The following NPHS1 variants were observed in gnomAD, a reference collection of about 807,000 sequenced individuals.
NPHS1 encodes the protein nephrin.
NPHS1 carries 107 observed loss-of-function variants against 139.7 expected under a neutral mutation model. The observed-to-expected ratio is 0.77, with a 90% CI of 0.66 to 0.90. The LOEUF (loss-of-function observed/expected upper bound fraction) is 0.90. NPHS1 is among the 40% of genes least tolerant of loss of function. The pLI is 0.00. For missense variants in NPHS1, 1,580 were observed against 1,654.2 expected (o/e 0.96, Z 0.78); for synonymous variants, 707 against 706.6 (o/e 1.00, Z -0.01).
rs1327024441 is a variant in NPHS1, at chr19:35,844,415, C to T, written c.1975G>A (p.Val659Met). ...GGCAGCAACGCCTCGCCCTGCTCCA[C>T]CGCGGTCACCACCAGCACCTGCTCC... ...LGEQVLVVTA[V>M]EQGEALLPVS... Residue 659 changes from valine to methionine, a missense_variant, in exon 15 of 29, where the codon GTG becomes ATG. Coordinates refer to ENST00000378910, the MANE Select transcript of NPHS1 (RefSeq NM_004646.4). The T allele has an allele frequency of 6.2e-6, 10 of 1,604,674 alleles. No homozygotes were observed. The highest frequency in any genetic ancestry group is 8.5e-6 in the Non-Finnish European group (10 of 1,176,240).
At position 35,845,223 on chromosome 19, in the gene NPHS1, T is replaced by G. The variant is rs575392158; in HGVS notation, c.1930+145A>C. 7 of 890,216 alleles carry G rather than the reference T, an allele frequency of 7.9e-6. No individual in the cohort carries two copies. In the African/African-American group the frequency reaches 1.0e-4, roughly 13 times the overall value. 55.1% of individuals were successfully genotyped at this position (890,216 alleles called of 1,614,324 possible). A position where few individuals can be genotyped will look rare whatever the true frequency, so the allele number is the denominator to read the frequency against. ...AGTTGGAGACTGCAGTGACCTATGA[T>G]TGCGTCACTGCATTGCAGCCTGAGC... On this transcript the variant is annotated intron_variant, in intron 14 of 28. Transcript: ENST00000378910. This position sits in a 1 kb window ranked among gnomAD's most constrained non-coding sequence, Gnocchi z 5.5.
rs766183560 is a variant in NPHS1, at chr19:35,831,357, C to T, written c.3326G>A (p.Arg1109Gln). The change falls in exon 26 of 29, where the codon CGA becomes CAA. Residue 1109 changes from arginine (R) to glutamine (Q), a missense_variant. Arg to Gln is a conservative substitution (Grantham distance 43). Transcript: ENST00000378910. ...EKTEAGSEED[R>Q]VRNEYEESQW... ...GCTCTCCTCATATTCGTTCCTGACT[C>T]GGTCCTCTTCCGACCTTCCAGGATG... The T allele has an allele frequency of 1.5e-5, 24 of 1,614,042 alleles. No homozygotes were observed. Among genetic ancestry groups the T allele is most frequent in the African/African-American group, 9.3e-5 (7 of 75,034 alleles).
At chr19:35,833,785 C>G (rs1399810489) in intron 23 of NPHS1, among the ~76,000 whole-genome samples, 2 of 152,184 alleles carry the variant, frequency 1.3e-5, no homozygotes, top group Non-Finnish European at 2.9e-5. Flanking sequence ...AAGGCTCAAC[C>G]TCCTGGGCTC....
chr19:35,845,964 TCCC>T lies in NPHS1; in HGVS notation c.1627+41_1627+43del. On this transcript the variant is annotated intron_variant, in intron 12 of 28. Transcript: ENST00000378910. The surrounding 1 kb of genome is among the most constrained non-coding windows in gnomAD (Gnocchi z 5.5). Reference sequence around the variant, plus strand: ...TGGGTCCCTGCCCCACCTGGCTCTGTCCCTCCCGCCCCGCCCCCGGGCCTCAGC... The same window carrying T: ...TGGGTCCCTGCCCCACCTGGCTCTGTTCCCGCCCCGCCCCCGGGCCTCAGC... 2.6e-6 allele frequency: 4 copies of T among 1,528,534 alleles called. No individual in the cohort carries two copies. The highest frequency in any genetic ancestry group is 1.2e-5 in the South Asian group (1 of 83,622). The allele number at this position is 1,528,534 out of a possible 1,614,324, so 94.7% of individuals were successfully genotyped here. A position where few individuals can be genotyped will look rare whatever the true frequency, so the allele number is the denominator to read the frequency against.
Position 35,851,958 on chromosome 19 carries a change from G to T in NPHS1, c.-121C>A. ...CTGCTTTTCTTTTTTATCTCTTTCC[G>T]TTACTCTCCTCCCTTTCTCGTTTTC... On this transcript the variant is annotated 5_prime_UTR_variant, in exon 1 of 29. Transcript: ENST00000378910. 1.2e-6 allele frequency: 1 copy of T among 802,756 alleles called. No individual in the cohort carries two copies. The highest frequency in any genetic ancestry group is 2.1e-6 in the Non-Finnish European group (1 of 471,232). 49.7% of individuals were successfully genotyped at this position (802,756 alleles called of 1,614,324 possible).
Position 35,846,087 on chromosome 19 carries a change from G to A in NPHS1, c.1548C>T (p.Val516=), listed in dbSNP as rs777702892. The part of the protein sequence containing the change: ...GSTFSRELVL[V]TGPSDNQAKF... ...TGGCCTGGTTGTCCGACGGCCCTGT[G>A]ACCAGCACCAGCTCTCGGGAGAAGG... The change falls in exon 12 of 29, where the codon GTC becomes GTT. Residue 516 remains valine, a synonymous_variant. Coordinates refer to ENST00000378910, the MANE Select transcript of NPHS1 (RefSeq NM_004646.4). 1.0e-5 allele frequency: 16 copies of A among 1,596,760 alleles called. No individual in the cohort carries two copies. In the South Asian group the frequency reaches 1.8e-4, roughly 18 times the overall value.
intron 25 of NPHS1, 21 bp downstream of exon 25, chr19:35,831,455 C>G (rs1972882681): frequency 3.1e-6 from 5 of 1,613,702 alleles, no homozygotes; most frequent in African/African-American, 2.7e-5. Context: ...GCCTTCTTTA[C>G]AGAAAAATAT....
chr19:35,847,988 T>A, intron 11 of NPHS1, 53 bp downstream of exon 11: 1 of 1,593,228 alleles, frequency 6.3e-7, no homozygotes, highest in Non-Finnish European at 8.6e-7. Context: ...AGAAGGGGCC[T>A]GGTCCTTCCC....
chr19:35,845,346 G>T lies in NPHS1; in HGVS notation c.1930+22C>A. ...TAGGGTCAAGAAGGCATCGAGAGGG[G>T]CTTTCAGGCCGGGGCACATACACAG... On this transcript the variant is annotated intron_variant, in intron 14 of 28. Transcript: ENST00000378910. The surrounding 1 kb of genome is among the most constrained non-coding windows in gnomAD (Gnocchi z 5.5). 6.2e-7 allele frequency: 1 copy of T among 1,613,944 alleles called. No individual in the cohort carries two copies.
intron 24 of NPHS1, 25 bp from the exon 25 acceptor site, chr19:35,831,525 T>A: frequency 6.2e-7 from 1 of 1,613,750 alleles, no homozygotes; most frequent in African/African-American, 1.3e-5. Context: ...AATAAAGGGC[T>A]CAGTGACCCT....
At chr19:35,832,925 C>T (rs1972903741) in intron 23 of NPHS1, among the ~76,000 whole-genome samples, 1 of 149,836 alleles carries the variant, frequency 6.7e-6, no homozygotes, top group Non-Finnish European at 1.5e-5. Flanking sequence ...CACTCTTTCA[C>T]CCAGGCTGGA....
intron 11 of NPHS1, among the ~76,000 whole-genome samples, chr19:35,846,399 G>C (rs1973143855): frequency 6.6e-6 from 1 of 152,158 alleles, no homozygotes; most frequent in Non-Finnish European, 1.5e-5. Flanking sequence ...AGTCTCTCCC[G>C]CCTCCCCGAG....
chr19:35,846,242 A>ACCAACCC (rs1568454872), intron 11 of NPHS1, 48 bp from the exon 12 acceptor site: 17 of 1,539,946 alleles, frequency 1.1e-5, no homozygotes, highest in East Asian at 2.4e-5. Context: ...TGCCGCTTCC[A>ACCAACCC]CCAACCCCCA....
At chr19:35,830,793 A>G (rs1309422849) in intron 28 of NPHS1, 51 bp downstream of exon 28, 1 of 1,115,336 alleles carries the variant, frequency 9.0e-7, no homozygotes, top group East Asian at 2.3e-5. Flanking sequence ...AATAGGAGGT[A>G]GGCTCCCAGC....
At chr19:35,849,509 C>G in intron 6 of NPHS1, 41 bp downstream of exon 6, 1 of 1,597,050 alleles carries the variant, frequency 6.3e-7, no homozygotes, top group Non-Finnish European at 8.6e-7. Flanking sequence ...AGTGCCTGCT[C>G]CCCATCCTCA....
At position 35,851,917 on chromosome 19, in the gene NPHS1, T is replaced by C; in HGVS notation, c.-80A>G. 8.3e-7 allele frequency: 1 copy of C among 1,201,336 alleles called. No homozygotes were observed. The highest frequency in any genetic ancestry group is 1.2e-6 in the Non-Finnish European group (1 of 829,276). 74.4% of individuals were successfully genotyped at this position (1,201,336 alleles called of 1,614,324 possible). A position where few individuals can be genotyped will look rare whatever the true frequency, so the allele number is the denominator to read the frequency against. ...GTCTGGCTTTCTCTGGGTCCCTCTC[T>C]GTGTGTCTCTGCCACCTGCTTTTCT... On this transcript the variant is annotated 5_prime_UTR_variant, in exon 1 of 29. Coordinates refer to ENST00000378910, the MANE Select transcript of NPHS1 (RefSeq NM_004646.4).
rs1454667387 is a variant in NPHS1, at chr19:35,825,788, T to G, written c.*726A>C. Among the ~76,000 whole-genome samples the G allele has an allele frequency of 2.0e-5, 3 of 152,184 alleles. No individual in the cohort carries two copies. The highest frequency in any genetic ancestry group is 4.4e-5 in the Non-Finnish European group (3 of 68,034). ...GGAAATAATAAAATAATAGGTAGGATGCAACATGGATTCATAAATTCCACT... is the reference window on the plus strand; with the variant it reads ...GGAAATAATAAAATAATAGGTAGGAGGCAACATGGATTCATAAATTCCACT... On this transcript the variant is annotated 3_prime_UTR_variant, in exon 29 of 29. Transcript: ENST00000378910.
At chr19:35,833,064 T>TTG (rs1555759546) in intron 23 of NPHS1, among the ~76,000 whole-genome samples, 3 of 150,646 alleles carry the variant, frequency 2.0e-5, no homozygotes, top group Admixed American at 6.6e-5. Context: ...TTTTTTTTTT[T>TTG]TGTATTTTTA....
At chr19:35,843,413 C>T in intron 17 of NPHS1, 59 bp downstream of exon 17, 1 of 1,605,868 alleles carries the variant, frequency 6.2e-7, no homozygotes, top group Non-Finnish European at 8.5e-7. Flanking sequence ...AAGGAACTCA[C>T]AGTCAAGAAA....
Sources: allele counts gnomAD v4.1 joint callset (sites outside exome capture counted in the v4.1 genomes callset), GRCh38; gene constraint gnomAD v4.1.1; non-coding constraint Gnocchi (gnomAD v3.1); transcripts MANE v1.5; gene names NCBI Gene and HGNC (gene_info 2026-07-23, HGNC 2026-07-21).